The following DAB1 variants were observed in gnomAD, a reference collection of about 807,000 sequenced individuals.
DAB1 encodes the protein disabled homolog 1.
A neutral mutation model predicts 64.6 loss-of-function variants in DAB1; 15 were observed. That is an observed-to-expected ratio of 0.23 (90% CI 0.16 to 0.36). The LOEUF (loss-of-function observed/expected upper bound fraction) is 0.36, where lower values mean the gene tolerates loss of function less well. Among genes scored for constraint, DAB1 ranks in the 10% least tolerant of loss-of-function variants. DAB1 has a pLI of 1.00. For missense variants in DAB1, 596 were observed against 706.7 expected, an observed-to-expected ratio of 0.84 and a Z score of 1.78; for synonymous variants, 235 against 251.9, an observed-to-expected ratio of 0.93 and a Z score of 0.64.
chr1:57,219,341 A>G (rs1666684856), intron 2 of DAB1, among the ~76,000 whole-genome samples: 2 of 152,216 alleles, frequency 1.3e-5, no homozygotes, highest in African/African-American at 2.4e-5. Context: ...TAGCCTTTCC[A>G]TTCAATCAGT....
chr1:57,450,267 A>G (rs76681244), intron 7 of DAB1, among the ~76,000 whole-genome samples: 1,966 of 152,334 alleles, frequency 0.013, 33 homozygotes, highest in African/African-American at 0.038. Flanking sequence ...AGAATTCTTG[A>G]TGGCAGAGGG....
chr1:58,240,143 C>G (rs942717406), intron 4 of DAB1, among the ~76,000 whole-genome samples: 1 of 152,154 alleles, frequency 6.6e-6, no homozygotes, highest in African/African-American at 2.4e-5. Context: ...CCACCAATAC[C>G]CATTCTTCCC....
chr1:57,943,776 A>G (rs1645138470), intron 5 of DAB1, among the ~76,000 whole-genome samples: 1 of 152,066 alleles, frequency 6.6e-6, no homozygotes, highest in Non-Finnish European at 1.5e-5. Flanking sequence ...ATCACCCTCT[A>G]CCATACTCAT....
chr1:58,489,383 C>A (rs1400720684), intron 3 of DAB1, among the ~76,000 whole-genome samples: 1 of 152,176 alleles, frequency 6.6e-6, no homozygotes, highest in African/African-American at 2.4e-5. Flanking sequence ...AAGGTGGCAG[C>A]GAGGCTGGGG....
intron 7 of DAB1, among the ~76,000 whole-genome samples, chr1:57,534,799 C>T (rs917427563): frequency 1.4e-4 from 22 of 152,164 alleles, no homozygotes; most frequent in African/African-American, 5.3e-4. Context: ...ACATGTCTCT[C>T]TTCTGAAACT....
chr1:57,317,255 GGT>G (rs2100752459), intron 1 of DAB1, among the ~76,000 whole-genome samples: 1 of 152,246 alleles, frequency 6.6e-6, no homozygotes, highest in Non-Finnish European at 1.5e-5. Context: ...ATCCATCCCG[GGT>G]GAGCCTCGCA....
Position 58,098,852 on chromosome 1 carries a change from A to G in DAB1, n.387+51659T>C, listed in dbSNP as rs1235414738. Among the ~76,000 whole-genome samples the G allele has an allele frequency of 2.6e-5, 4 of 152,224 alleles. No homozygotes were observed. The East Asian group carries it at 7.7e-4, about 29-fold the overall frequency. Reference sequence around the variant, plus strand: ...TTTCATGTCAGACTTCTAGCCCTCAAAACTGTAAGAAAATAAATGTCCATT... The same window carrying G: ...TTTCATGTCAGACTTCTAGCCCTCAGAACTGTAAGAAAATAAATGTCCATT... On this transcript the variant is annotated intron_variant and non_coding_transcript_variant, in intron 5 of 20. Transcript: ENST00000485760.
chr1:58,499,921 A>G (rs192772107), intron 3 of DAB1, among the ~76,000 whole-genome samples: 1 of 152,324 alleles, frequency 6.6e-6, no homozygotes, highest in Admixed American at 6.5e-5. Context: ...CAAGTAAAAC[A>G]TCAACTACTT....
chr1:58,158,596 C>T (rs1210330248), intron 4 of DAB1, among the ~76,000 whole-genome samples: 1 of 152,152 alleles, frequency 6.6e-6, no homozygotes, highest in East Asian at 1.9e-4. Context: ...AGACTACACA[C>T]ACTGGAGAGA....
chr1:57,471,803 T>C (rs1376917980), intron 7 of DAB1, among the ~76,000 whole-genome samples: 2 of 152,248 alleles, frequency 1.3e-5, no homozygotes, highest in East Asian at 3.8e-4. Context: ...AATGGACTAA[T>C]ACAGTCACCT....
chr1:58,289,419 A>C (rs1661764054), intron 4 of DAB1, among the ~76,000 whole-genome samples: 1 of 152,184 alleles, frequency 6.6e-6, no homozygotes. Flanking sequence ...GTTTTGGTTT[A>C]GATTCCAGTC....
chr1:57,372,426 T>C (rs1348166153), intron 1 of DAB1, among the ~76,000 whole-genome samples: 1 of 152,192 alleles, frequency 6.6e-6, no homozygotes, highest in Non-Finnish European at 1.5e-5. Context: ...AACTCAGGCA[T>C]CAGACAATCA....
chr1:58,446,380 A>G (rs927656154), intron 3 of DAB1, among the ~76,000 whole-genome samples: 8 of 152,228 alleles, frequency 5.3e-5, no homozygotes, highest in African/African-American at 1.9e-4. Flanking sequence ...ATTTCCTAAA[A>G]TATCTTCCTT....
chr1:57,468,615 G>A (rs1031297175), intron 7 of DAB1, among the ~76,000 whole-genome samples: 8 of 152,128 alleles, frequency 5.3e-5, no homozygotes, highest in Non-Finnish European at 8.8e-5. Context: ...GAAGGACAAC[G>A]TATGGGTGTG....
chr1:57,225,534 G>A, intron 2 of DAB1, among the ~76,000 whole-genome samples: 1 of 152,256 alleles, frequency 6.6e-6, no homozygotes, highest in South Asian at 2.1e-4. Context: ...CTTCAGTTCT[G>A]CTCAATACAG....
At chr1:58,156,223 A>C (rs1655221614) in intron 4 of DAB1, among the ~76,000 whole-genome samples, 1 of 152,168 alleles carries the variant, frequency 6.6e-6, no homozygotes, top group African/African-American at 2.4e-5. Context: ...TTTTTGAATG[A>C]GAAAATTGAG....
At chr1:57,412,341 T>G (rs1684176441) in intron 1 of DAB1, among the ~76,000 whole-genome samples, 1 of 152,178 alleles carries the variant, frequency 6.6e-6, no homozygotes, top group South Asian at 2.1e-4. Context: ...TCTCTCACTT[T>G]AAATCAAAAG....
intron 7 of DAB1, among the ~76,000 whole-genome samples, chr1:57,477,095 CTG>C (rs1465187563): frequency 6.6e-5 from 10 of 152,210 alleles, no homozygotes; most frequent in African/African-American, 2.4e-4. Context: ...ACAGAAGAAA[CTG>C]TGTCCTGGAC....
At chr1:57,255,721 T>G (rs542345761) in intron 2 of DAB1, among the ~76,000 whole-genome samples, 32 of 152,068 alleles carry the variant, frequency 2.1e-4, no homozygotes, top group Non-Finnish European at 3.5e-4. Flanking sequence ...TCTTACGGAG[T>G]CTACAGACTA....
Sources: allele counts gnomAD v4.1 joint callset (sites outside exome capture counted in the v4.1 genomes callset), GRCh38; gene constraint gnomAD v4.1.1; transcripts MANE v1.5; gene names NCBI Gene and HGNC (gene_info 2026-07-23, HGNC 2026-07-21).